Variants in TARS2 observed in about 807,000 individuals in gnomAD.
TARS2 encodes the protein threonine--tRNA ligase, mitochondrial.
Under a neutral mutation model 94.4 loss-of-function variants are expected in TARS2, and 61 were observed. That is an observed-to-expected ratio of 0.65 (90% CI 0.53 to 0.80). The LOEUF is 0.80. Among genes scored for constraint, TARS2 ranks in the 30% least tolerant of loss-of-function variants. The pLI is 0.00. For synonymous variants in TARS2, 359 were observed against 353.4 expected (o/e 1.02, Z -0.18); for missense variants, 704 against 902.5 (o/e 0.78, Z 2.82).
At chr1:150,506,482 G>GCACACACA (rs1442330518) in intron 17 of TARS2, among the ~76,000 whole-genome samples, 10 of 29,906 alleles carry the variant, frequency 3.3e-4, no homozygotes, top group African/African-American at 8.3e-4. Flanking sequence ...TCAGACACGC[G>GCACACACA]CGCGCACACA....
Position 150,507,151 on chromosome 1 carries a change from C to G in TARS2, c.*87C>G. The G allele has an allele frequency of 3.9e-6, 6 of 1,550,622 alleles. No homozygotes were observed. The highest frequency in any genetic ancestry group is 5.3e-6 in the Non-Finnish European group (6 of 1,141,460). On this transcript the variant is annotated 3_prime_UTR_variant, in exon 18 of 18. Transcript: ENST00000369064. ...CCCCAACCCAGCTGACAATGTGGAG[C>G]CCCCAGAACTTCAGAACTGTGTGGA... is the stretch of plus-strand genomic sequence containing the variant.
intron 13 of TARS2, among the ~76,000 whole-genome samples, chr1:150,500,153 G>A (rs867328930): frequency 6.6e-6 from 1 of 152,044 alleles, no homozygotes; most frequent in Non-Finnish European, 1.5e-5. Flanking sequence ...CTCCAGCCTG[G>A]GTGATAGAGT....
rs1418579708 is a variant in TARS2 at position 150,502,229 on chromosome 1, T to C, written c.1618-2106T>C. Among the ~76,000 whole-genome samples the C allele has an allele frequency of 9.4e-5, 9 of 96,000 alleles. No homozygotes were observed. The South Asian group carries it at 2.4e-3, about 25-fold the overall frequency. The allele number at this position is 96,000 out of a possible 152,430, so 63.0% of individuals were successfully genotyped here. On this transcript the variant is annotated intron_variant, in intron 13 of 17. Coordinates refer to ENST00000369064, the MANE Select transcript of TARS2 (RefSeq NM_025150.5). ...TCTTGCCCAGCGTTTTTTTCGTTTT[T>C]GTTTTTTTCCCCGAGACAGACTCTT...
At chr1:150,506,043 T>C (rs1005936392) in intron 17 of TARS2, among the ~76,000 whole-genome samples, 2 of 151,746 alleles carry the variant, frequency 1.3e-5, no homozygotes, top group African/African-American at 4.9e-5. Flanking sequence ...TAGACCTAGA[T>C]GGAATCAGCC....
intron 2 of TARS2, 91 bp downstream of exon 2, chr1:150,488,145 G>GT: frequency 6.9e-7 from 1 of 1,439,590 alleles, no homozygotes; most frequent in Non-Finnish European, 9.4e-7. Flanking sequence ...TGGTCTGCTT[G>GT]TTTCTGTTCC....
At chr1:150,491,990 G>C (rs902428275) in intron 6 of TARS2, 2 of 186,586 alleles carry the variant, frequency 1.1e-5, no homozygotes, top group African/African-American at 7.0e-5. Context: ...TTTTTGAGAT[G>C]AAGTCTTGTT....
chr1:150,487,634 C>G (rs1669209408), intron 1 of TARS2, 118 bp downstream of exon 1: 4 of 1,415,136 alleles, frequency 2.8e-6, no homozygotes, highest in East Asian at 2.4e-5. Context: ...CTCCGAGTCC[C>G]CAGAAAAGGA....
intron 7 of TARS2, among the ~76,000 whole-genome samples, chr1:150,493,990 G>A (rs1434856909): frequency 2.0e-5 from 3 of 151,792 alleles, no homozygotes; most frequent in African/African-American, 7.3e-5. Context: ...GTGGCCTTGG[G>A]TAAATCTTAC....
intron 3 of TARS2, among the ~76,000 whole-genome samples, chr1:150,489,582 G>A (rs186360722): frequency 3.9e-5 from 6 of 152,138 alleles, no homozygotes; most frequent in Non-Finnish European, 8.8e-5. Context: ...CACTAGATTC[G>A]TGGGACAGAA....
intron 17 of TARS2, among the ~76,000 whole-genome samples, chr1:150,505,979 T>C (rs1486183080): frequency 2.0e-5 from 3 of 152,172 alleles, no homozygotes; most frequent in Non-Finnish European, 4.4e-5. Flanking sequence ...CAAGGGAGCA[T>C]CAGAGAGAAA....
intron 4 of TARS2, 138 bp downstream of exon 4, chr1:150,490,863 C>G: frequency 7.8e-7 from 1 of 1,278,068 alleles, no homozygotes; most frequent in Non-Finnish European, 1.1e-6. Flanking sequence ...ACATTAGTAT[C>G]TCCTTCTGTG....
At chr1:150,505,866 C>T (rs1203476789) in intron 17 of TARS2, among the ~76,000 whole-genome samples, 161 bp downstream of exon 17, 1 of 152,184 alleles carries the variant, frequency 6.6e-6, no homozygotes, top group East Asian at 1.9e-4. Flanking sequence ...GCCCTGTGTT[C>T]CTTCACATTG....
rs1670167259 is a variant in TARS2 at position 150,505,650 on chromosome 1, G to A, written c.1953G>A (p.Leu651=). The stretch of plus-strand genomic sequence containing the variant: ...GTGACCTGGATGCAGACTCTGGACT[G>A]ACCCTCAGCCGGAGAATCCGCCGGG... ...LVSDLDADSG[L]TLSRRIRRAQ... is the part of the protein sequence containing the mutation. Residue 651 remains leucine, a synonymous_variant, in exon 17 of 18, where the codon CTG becomes CTA. Coordinates refer to ENST00000369064, the MANE Select transcript of TARS2 (RefSeq NM_025150.5). 6.2e-7 allele frequency: 1 copy of A among 1,614,190 alleles called. No individual in the cohort carries two copies. Among genetic ancestry groups the A allele is most frequent in the Non-Finnish European group, 8.5e-7 (1 of 1,180,036 alleles).
In TARS2 at chr1:150,487,983, A is replaced by G. The variant is rs757399211; in HGVS notation, c.192A>G (p.Ser64=). Residue 64 remains serine, a synonymous_variant, in exon 2 of 18, where the codon TCA becomes TCG. Transcript: ENST00000369064. ...AGGAACCCCGGACTATTAAGATATC[A>G]CTTCCTGGAGGCCAGAAAATTGATG... ...AQKEPRTIKI[S]LPGGQKIDAV... 6.2e-7 allele frequency: 1 copy of G among 1,613,910 alleles called. No homozygotes were observed. Among genetic ancestry groups the G allele is most frequent in the Non-Finnish European group, 8.5e-7 (1 of 1,180,004 alleles).
rs1276426076 is a variant in TARS2 at position 150,503,663 on chromosome 1, GTATATA to G, written c.1618-670_1618-665del. Among the ~76,000 whole-genome samples the G allele has an allele frequency of 1.5e-4, 22 of 149,436 alleles. No homozygotes were observed. The South Asian group carries it at 1.9e-3, about 13-fold the overall frequency. On this transcript the variant is annotated intron_variant, in intron 13 of 17. Coordinates refer to ENST00000369064, the MANE Select transcript of TARS2 (RefSeq NM_025150.5). Reference sequence around the variant, plus strand: ...TGTATATATGTGTGTATATATGTGTGTATATATGTGTGTATATATGTGTATATATAT... The same window carrying G: ...TGTATATATGTGTGTATATATGTGTGTGTGTGTATATATGTGTATATATAT...
chr1:150,489,193 T>A, intron 3 of TARS2, 106 bp downstream of exon 3: 1 of 1,541,268 alleles, frequency 6.5e-7, no homozygotes, highest in Non-Finnish European at 9.0e-7. Context: ...CATTTGCAGT[T>A]GGGAGGGAGA....
rs376026845 is a variant in TARS2, at chr1:150,504,896, T to C, written c.1821-10T>C. 35 of 1,614,084 alleles carry C rather than the reference T, an allele frequency of 2.2e-5. No individual in the cohort carries two copies. In the South Asian group the frequency reaches 3.5e-4, roughly 16 times the overall value. On this transcript the variant is annotated splice_polypyrimidine_tract_variant and intron_variant, in intron 15 of 17. Coordinates refer to ENST00000369064, the MANE Select transcript of TARS2 (RefSeq NM_025150.5). The stretch of plus-strand genomic sequence containing the variant: ...GACTAATTTGCCATCACCTGTTCTT[T>C]CCCTACCAGGCCACTGTGGCTGTCC...
chr1:150,504,820 T>C, intron 15 of TARS2, 86 bp from the exon 16 acceptor site: 1 of 1,607,436 alleles, frequency 6.2e-7, no homozygotes, highest in South Asian at 1.1e-5. Context: ...GCCAGCCTCT[T>C]TCCTTCTCAA....
intron 4 of TARS2, among the ~76,000 whole-genome samples, chr1:150,491,068 AAAG>A (rs1669361252): frequency 6.6e-6 from 1 of 151,648 alleles, no homozygotes; most frequent in Non-Finnish European, 1.5e-5. Flanking sequence ...AAAAAAACAA[AAAG>A]AAAAAGAAGA....
Sources: allele counts gnomAD v4.1 joint callset (sites outside exome capture counted in the v4.1 genomes callset), GRCh38; gene constraint gnomAD v4.1.1; transcripts MANE v1.5; gene names NCBI Gene and HGNC (gene_info 2026-07-23, HGNC 2026-07-21).